Variants in SORCS2 observed in about 807,000 individuals in gnomAD.
The protein encoded by SORCS2 is VPS10 domain-containing receptor SorCS2.
In SORCS2, 100 loss-of-function variants were observed where a neutral mutation model predicts 141.6. The observed-to-expected ratio is 0.71, with a 90% CI of 0.60 to 0.83. The LOEUF (loss-of-function observed/expected upper bound fraction) is 0.83, where lower values mean the gene tolerates loss of function less well. SORCS2 is among the 40% of genes least tolerant of loss of function. SORCS2 has a pLI of 0.00. For missense variants in SORCS2, 1,646 were observed against 1,560.2 expected (o/e 1.05, Z -0.93); for synonymous variants, 789 against 676.9 (o/e 1.17, Z -2.57).
chr4:7,505,032 G>A (rs936647766), intron 2 of SORCS2, among the ~76,000 whole-genome samples: 1 of 152,210 alleles, frequency 6.6e-6, no homozygotes, highest in African/African-American at 2.4e-5. Context: ...GTCAATAGGG[G>A]TGAAAAGGAT....
At chr4:7,362,101 G>T (rs2109025294) in intron 1 of SORCS2, among the ~76,000 whole-genome samples, 1 of 152,298 alleles carries the variant, frequency 6.6e-6, no homozygotes, top group African/African-American at 2.4e-5. Context: ...GGTCCAGAGA[G>T]ACAGAGCATG....
chr4:7,503,067 G>A (rs1200284227), intron 2 of SORCS2, among the ~76,000 whole-genome samples: 3 of 152,184 alleles, frequency 2.0e-5, no homozygotes, highest in African/African-American at 7.2e-5. Context: ...CCTGCCTCCG[G>A]GAGCACAGGT....
At chr4:7,424,498 A>T (rs1157567988) in intron 2 of SORCS2, among the ~76,000 whole-genome samples, 1 of 152,132 alleles carries the variant, frequency 6.6e-6, no homozygotes, top group Non-Finnish European at 1.5e-5. Flanking sequence ...AGTCCTCTGA[A>T]TTGGGGGAGG....
intron 1 of SORCS2, among the ~76,000 whole-genome samples, chr4:7,239,681 C>G (rs1712552573): frequency 6.6e-6 from 1 of 152,218 alleles, no homozygotes; most frequent in African/African-American, 2.4e-5. Flanking sequence ...CAGGATAGGC[C>G]TCTTATGGGT....
At chr4:7,352,091 C>A (rs1560212330) in intron 1 of SORCS2, among the ~76,000 whole-genome samples, 3 of 152,190 alleles carry the variant, frequency 2.0e-5, no homozygotes, top group Admixed American at 2.0e-4. Context: ...CAGTGATGGA[C>A]AAGTCAGGTG....
intron 2 of SORCS2, among the ~76,000 whole-genome samples, chr4:7,438,248 A>C (rs761093874): frequency 1.3e-5 from 2 of 152,130 alleles, no homozygotes; most frequent in Non-Finnish European, 2.9e-5. Flanking sequence ...CTTTTGTAGC[A>C]CTGGGGAACC....
intron 1 of SORCS2, among the ~76,000 whole-genome samples, chr4:7,213,884 G>C (rs1214083401): frequency 6.6e-6 from 1 of 152,226 alleles, no homozygotes; most frequent in Admixed American, 6.5e-5. Context: ...GTCTCCAGGA[G>C]CTGGGCTGGG....
At chr4:7,622,471 C>G (rs1291034922) in intron 3 of SORCS2, among the ~76,000 whole-genome samples, 2 of 152,188 alleles carry the variant, frequency 1.3e-5, no homozygotes, top group African/African-American at 4.8e-5. Context: ...TGCAGTGATT[C>G]CAGCATCAGA....
intron 1 of SORCS2, among the ~76,000 whole-genome samples, chr4:7,326,442 C>T (rs561180727): frequency 1.1e-4 from 17 of 151,892 alleles, no homozygotes; most frequent in African/African-American, 1.7e-4. Context: ...ACAGCCCTGC[C>T]GCCCCAGCCG....
chr4:7,384,234 G>C (rs1192273309), intron 1 of SORCS2, among the ~76,000 whole-genome samples: 1 of 152,174 alleles, frequency 6.6e-6, no homozygotes, highest in Non-Finnish European at 1.5e-5. Context: ...AATGCCTCTC[G>C]GTGCCTCAAC....
At chr4:7,575,549 C>T (rs6854349) in intron 3 of SORCS2, among the ~76,000 whole-genome samples, 41,814 of 151,902 alleles carry the variant, frequency 0.28, 6,789 homozygotes, top group East Asian at 0.69. Flanking sequence ...GGTTCACATA[C>T]GCACATTGTT....
At chr4:7,355,973 T>G (rs1050836098) in intron 1 of SORCS2, among the ~76,000 whole-genome samples, 1 of 152,238 alleles carries the variant, frequency 6.6e-6, no homozygotes, top group African/African-American at 2.4e-5. Context: ...CCTTCCACTC[T>G]TCCCTGGGTT....
At chr4:7,566,346 G>C (rs890325049) in intron 3 of SORCS2, among the ~76,000 whole-genome samples, 1 of 152,006 alleles carries the variant, frequency 6.6e-6, no homozygotes, top group African/African-American at 2.4e-5. Context: ...TGATGATGAG[G>C]TGATGATGAT....
At chr4:7,394,395 C>T (rs957888265) in intron 1 of SORCS2, among the ~76,000 whole-genome samples, 9 of 105,236 alleles carry the variant, frequency 8.6e-5, no homozygotes, top group South Asian at 3.0e-4. Context: ...CAGGGAGGTC[C>T]GGCAGGGTTG....
chr4:7,472,078 G>A (rs1730011450), intron 2 of SORCS2, among the ~76,000 whole-genome samples: 1 of 152,238 alleles, frequency 6.6e-6, no homozygotes, highest in South Asian at 2.1e-4. Context: ...CTGCACTGGG[G>A]GGCTGTGACC....
chr4:7,608,909 A>T (rs1245338825), intron 3 of SORCS2, among the ~76,000 whole-genome samples: 1 of 152,074 alleles, frequency 6.6e-6, no homozygotes, highest in Non-Finnish European at 1.5e-5. Flanking sequence ...TCATATGTGA[A>T]CACACCAGGG....
intron 3 of SORCS2, among the ~76,000 whole-genome samples, chr4:7,616,771 T>G (rs925722239): frequency 2.0e-5 from 3 of 152,256 alleles, no homozygotes; most frequent in Non-Finnish European, 4.4e-5. Context: ...AGAGCTTGTT[T>G]TAAAAACTGA....
At chr4:7,576,010 G>A (rs1198573417) in intron 3 of SORCS2, among the ~76,000 whole-genome samples, 2 of 152,244 alleles carry the variant, frequency 1.3e-5, no homozygotes, top group African/African-American at 4.8e-5. Flanking sequence ...GGGACTGTCA[G>A]CTTTCTAGGA....
intron 3 of SORCS2, among the ~76,000 whole-genome samples, chr4:7,625,658 C>A (rs1301153024): frequency 1.4e-5 from 2 of 147,600 alleles, no homozygotes; most frequent in Admixed American, 1.4e-4. Context: ...CTTCATTAAC[C>A]CTTACAGTCA....
Sources: allele counts gnomAD v4.1 joint callset (sites outside exome capture counted in the v4.1 genomes callset), GRCh38; gene constraint gnomAD v4.1.1; transcripts MANE v1.5; gene names NCBI Gene and HGNC (gene_info 2026-07-23, HGNC 2026-07-21).